Variants in OPCML observed in about 807,000 individuals in gnomAD.
The protein encoded by OPCML is opioid-binding protein/cell adhesion molecule.
In OPCML, 13 loss-of-function variants were observed where a neutral mutation model predicts 37.8. The observed-to-expected ratio is 0.34, with a 90% confidence interval of 0.22 to 0.55. The LOEUF (loss-of-function observed/expected upper bound fraction) is 0.55. Ranked by LOEUF, OPCML falls within the 20% of genes least tolerant of loss-of-function variation. OPCML has a pLI of 0.91. For synonymous variants in OPCML, 176 were observed against 168.8 expected, an observed-to-expected ratio of 1.04 and a Z score of -0.33; for missense variants, 341 against 435.6, an observed-to-expected ratio of 0.78 and a Z score of 1.93.
intron 1 of OPCML, among the ~76,000 whole-genome samples, chr11:133,050,128 C>T (rs1178017077): frequency 6.6e-6 from 1 of 152,212 alleles, no homozygotes; most frequent in African/African-American, 2.4e-5. Flanking sequence ...AGCTCTCCTT[C>T]TTCCAATCCT....
intron 2 of OPCML, among the ~76,000 whole-genome samples, chr11:132,687,884 T>G (rs889945232): frequency 1.3e-5 from 2 of 152,170 alleles, no homozygotes; most frequent in Non-Finnish European, 2.9e-5. Context: ...AAATGTTTGG[T>G]ATAAAACAGA....
intron 1 of OPCML, among the ~76,000 whole-genome samples, chr11:133,140,525 T>TAAGAAGAAGAAGAAGAAGAAG (rs1306668854): frequency 2.1e-3 from 117 of 57,022 alleles, no homozygotes; most frequent in East Asian, 9.3e-3. Context: ...ATAATAATAA[T>TAAGAAGAAGAAGAAGAAGAAG]AATAATAAGA....
chr11:132,437,382 G>A, intron 4 of OPCML, 23 bp from the exon 5 acceptor site: 6 of 1,612,240 alleles, frequency 3.7e-6, no homozygotes, highest in South Asian at 1.1e-5. Flanking sequence ...AAGCAGACAG[G>A]AAACAATCAG....
At chr11:133,188,880 A>C (rs1022615571) in intron 1 of OPCML, among the ~76,000 whole-genome samples, 3 of 152,140 alleles carry the variant, frequency 2.0e-5, no homozygotes, top group African/African-American at 7.2e-5. Flanking sequence ...TGAGTTCTGC[A>C]CTTTGACACT....
At chr11:133,103,652 G>A (rs182993596) in intron 1 of OPCML, among the ~76,000 whole-genome samples, 12 of 152,296 alleles carry the variant, frequency 7.9e-5, no homozygotes, top group African/African-American at 1.2e-4. Flanking sequence ...GATTTCATGT[G>A]TTGTTGTGTT....
At chr11:132,876,641 C>T (rs1201065664) in intron 2 of OPCML, among the ~76,000 whole-genome samples, 1 of 152,182 alleles carries the variant, frequency 6.6e-6, no homozygotes, top group Admixed American at 6.5e-5. Flanking sequence ...AAGCAGAAAT[C>T]TATATCTAAT....
intron 4 of OPCML, among the ~76,000 whole-genome samples, chr11:132,479,342 T>C (rs993866378): frequency 2.0e-5 from 3 of 151,886 alleles, no homozygotes; most frequent in African/African-American, 7.3e-5. Flanking sequence ...ATCACCAGGA[T>C]ATTATATCCC....
chr11:132,527,427 G>C (rs970271621), intron 4 of OPCML, among the ~76,000 whole-genome samples: 1 of 152,000 alleles, frequency 6.6e-6, no homozygotes, highest in African/African-American at 2.4e-5. Flanking sequence ...AGTCTTCCTA[G>C]GGATTATATA....
At chr11:133,216,291 T>G (rs568406757) in intron 1 of OPCML, among the ~76,000 whole-genome samples, 1 of 152,294 alleles carries the variant, frequency 6.6e-6, no homozygotes, top group African/African-American at 2.4e-5. Context: ...AAACAGAAAA[T>G]TCCTCCTCTG....
intron 1 of OPCML, among the ~76,000 whole-genome samples, chr11:133,443,546 C>T (rs1329174378): frequency 1.3e-5 from 2 of 152,222 alleles, no homozygotes; most frequent in Non-Finnish European, 2.9e-5. Flanking sequence ...CACAACACTT[C>T]ATCCTGGCTG....
chr11:132,721,286 G>A (rs181665932), intron 2 of OPCML, among the ~76,000 whole-genome samples: 2 of 152,280 alleles, frequency 1.3e-5, no homozygotes, highest in East Asian at 3.9e-4. Flanking sequence ...GAGGGGAGTT[G>A]GGAAACTTCA....
intron 4 of OPCML, among the ~76,000 whole-genome samples, chr11:132,496,765 C>A (rs2137098706): frequency 6.6e-6 from 1 of 152,258 alleles, no homozygotes; most frequent in Non-Finnish European, 1.5e-5. Flanking sequence ...AGAGTCTCAA[C>A]CCAATATTAC....
intron 1 of OPCML, among the ~76,000 whole-genome samples, chr11:133,501,613 T>C (rs949894455): frequency 6.6e-6 from 1 of 152,096 alleles, no homozygotes; most frequent in Non-Finnish European, 1.5e-5. Flanking sequence ...CCAATTGGCT[T>C]GATAAGGAAC....
At chr11:132,895,482 A>C (rs1943803596) in intron 2 of OPCML, among the ~76,000 whole-genome samples, 1 of 152,208 alleles carries the variant, frequency 6.6e-6, no homozygotes. Context: ...AAGAGCGCTT[A>C]TCATATGACT....
chr11:133,038,257 C>T (rs1370519848), intron 1 of OPCML, among the ~76,000 whole-genome samples: 7 of 152,226 alleles, frequency 4.6e-5, no homozygotes, highest in African/African-American at 7.2e-5. Flanking sequence ...TCCCAATCAG[C>T]TCCTGTCTTA....
intron 3 of OPCML, among the ~76,000 whole-genome samples, chr11:132,551,157 A>G (rs1469917194): frequency 6.6e-6 from 1 of 152,176 alleles, no homozygotes; most frequent in African/African-American, 2.4e-5. Context: ...TTTCAGAACC[A>G]AGGGCCACCC....
At chr11:132,876,769 T>C (rs1344122755) in intron 2 of OPCML, among the ~76,000 whole-genome samples, 1 of 152,162 alleles carries the variant, frequency 6.6e-6, no homozygotes, top group Non-Finnish European at 1.5e-5. Flanking sequence ...AAGGTAAACA[T>C]GCCTGGTGCT....
chr11:133,370,815 A>G (rs566828456), intron 1 of OPCML, among the ~76,000 whole-genome samples: 1 of 152,212 alleles, frequency 6.6e-6, no homozygotes, highest in Non-Finnish European at 1.5e-5. Context: ...ATGAAAATAC[A>G]CCAATGGGAC....
In OPCML at chr11:133,052,798, C is replaced by T. The variant is rs141878141; in HGVS notation, c.62-109788G>A. On this transcript the variant is annotated intron_variant, in intron 1 of 7. Transcript: ENST00000524381. ...TGGAAGTGAGCCATGATCTGCTAGA[C>T]GCCAGCACATGGGGAACCTGCCAAG... Among the ~76,000 whole-genome samples, 594 of 152,312 alleles carry T rather than the reference C, an allele frequency of 3.9e-3. 2 individuals are homozygous for T. The highest frequency in any genetic ancestry group is 5.7e-3 in the Non-Finnish European group (387 of 68,030).
Sources: gnomAD v4.1 joint callset for allele counts (sites outside exome capture counted in the v4.1 genomes callset) on GRCh38, gnomAD v4.1.1 for gene constraint, MANE v1.5 for transcripts, NCBI Gene and HGNC (gene_info 2026-07-23, HGNC 2026-07-21) for gene names.